GTF2F2: variants seen among roughly 807,000 people sequenced by gnomAD.
The protein encoded by GTF2F2 is ATP-dependent helicase GTF2F2.
GTF2F2 carries 23 observed loss-of-function variants against 42.2 expected under a neutral mutation model. That is an observed-to-expected ratio of 0.55 (90% CI 0.39 to 0.77). GTF2F2 has a LOEUF of 0.77. GTF2F2 is among the 30% of genes least tolerant of loss of function. The probability of loss-of-function intolerance (pLI) is 0.00; values close to 1 mark genes in which losing one functional copy is unlikely to be tolerated. For synonymous variants in GTF2F2, 105 were observed against 100.8 expected (o/e 1.04, Z -0.25); for missense variants, 261 against 287.2 (o/e 0.91, Z 0.66).
chr13:45,183,743 A>G (rs988812849), intron 4 of GTF2F2, among the ~76,000 whole-genome samples: 1 of 152,282 alleles, frequency 6.6e-6, no homozygotes, highest in African/African-American at 2.4e-5. Flanking sequence ...CAGACAGTGC[A>G]TGTCAATACT....
chr13:45,203,511 T>A (rs1378683837), intron 4 of GTF2F2, among the ~76,000 whole-genome samples: 1 of 152,188 alleles, frequency 6.6e-6, no homozygotes, highest in Non-Finnish European at 1.5e-5. Context: ...TCCAGTTGTC[T>A]CACCTGTACC....
At position 45,151,769 on chromosome 13, in the gene GTF2F2, A is replaced by G. The variant is rs756528949; in HGVS notation, c.242A>G (p.His81Arg). 4 of 1,589,674 alleles carry G rather than the reference A, an allele frequency of 2.5e-6. No homozygotes were observed. In the South Asian group the frequency reaches 4.5e-5, roughly 18 times the overall value. Residue 81 changes from histidine (H) to arginine (R), a missense_variant, in exon 4 of 8, where the codon CAT becomes CGT. Transcript: ENST00000340473. ...GCTTCAGTCAGTGCTCCTAGAGAAC[A>G]TCCATTTGTCTTGCAAAGTGTTGGA... ...KPASVSAPRE[H>R]PFVLQSVGGQ...
chr13:45,208,083 C>T (rs1252572212), intron 5 of GTF2F2, among the ~76,000 whole-genome samples: 2 of 150,734 alleles, frequency 1.3e-5, no homozygotes, highest in African/African-American at 2.4e-5. Context: ...GAGAGCATGC[C>T]ACTGCACTCC....
chr13:45,252,681 G>A (rs1422415438), intron 5 of GTF2F2, among the ~76,000 whole-genome samples, 190 bp from the exon 6 acceptor site: 1 of 152,060 alleles, frequency 6.6e-6, no homozygotes, highest in Non-Finnish European at 1.5e-5. Flanking sequence ...TGTATATTTA[G>A]CTTGTGTACT....
intron 4 of GTF2F2, among the ~76,000 whole-genome samples, chr13:45,187,229 A>C (rs1872464232): frequency 6.6e-6 from 1 of 152,108 alleles, no homozygotes; most frequent in African/African-American, 2.4e-5. Flanking sequence ...ATCTCTATGA[A>C]AGTATATATT....
intron 2 of GTF2F2, among the ~76,000 whole-genome samples, chr13:45,142,082 CT>C (rs1320130347): frequency 6.6e-6 from 1 of 152,154 alleles, no homozygotes. Context: ...GTCTTGAATT[CT>C]TTTGAAAGTA....
intron 5 of GTF2F2, among the ~76,000 whole-genome samples, chr13:45,236,488 CAT>C (rs1419791726): frequency 1.0e-4 from 12 of 120,504 alleles, no homozygotes; most frequent in East Asian, 2.2e-4. Flanking sequence ...CCCCGCCACA[CAT>C]ACACACACAC....
intron 5 of GTF2F2, among the ~76,000 whole-genome samples, chr13:45,219,836 T>C (rs1874038668): frequency 6.6e-6 from 1 of 152,260 alleles, no homozygotes; most frequent in South Asian, 2.1e-4. Context: ...AACCTTTTTC[T>C]TTTAATGTGT....
intron 4 of GTF2F2, among the ~76,000 whole-genome samples, chr13:45,187,517 C>A (rs1368668766): frequency 6.6e-6 from 1 of 152,108 alleles, no homozygotes; most frequent in African/African-American, 2.4e-5. Flanking sequence ...GAAATACAGT[C>A]CACCTCTTCA....
chr13:45,277,781 C>T (rs1566160069), intron 7 of GTF2F2, among the ~76,000 whole-genome samples: 1 of 152,032 alleles, frequency 6.6e-6, no homozygotes, highest in Non-Finnish European at 1.5e-5. Flanking sequence ...TCGATAATGC[C>T]CTTCTTGTGG....
chr13:45,219,080 A>G (rs544689706), intron 5 of GTF2F2, among the ~76,000 whole-genome samples: 63 of 152,220 alleles, frequency 4.1e-4, no homozygotes, highest in African/African-American at 1.4e-3. Context: ...ACTTTCAGCT[A>G]GAATGGTTCA....
chr13:45,151,836 G>A lies in GTF2F2; in HGVS notation c.304+5G>A. The A allele has an allele frequency of 3.6e-6, 5 of 1,391,722 alleles. No individual in the cohort carries two copies. The highest frequency in any genetic ancestry group is 4.8e-6 in the Non-Finnish European group (5 of 1,038,772). The allele number at this position is 1,391,722 out of a possible 1,614,324, so 86.2% of individuals were successfully genotyped here. On this transcript the variant is annotated splice_donor_5th_base_variant and intron_variant, in intron 4 of 7. Coordinates refer to ENST00000340473, the MANE Select transcript of GTF2F2 (RefSeq NM_004128.3). Reference sequence around the variant, plus strand: ...TATTTACTGAGAGCTCATCAGGTAAGTGGGAATGGAATTATTTAATGTGAT... The same window carrying A: ...TATTTACTGAGAGCTCATCAGGTAAATGGGAATGGAATTATTTAATGTGAT...
chr13:45,206,388 G>C (rs1001690619), intron 4 of GTF2F2: 1 of 152,144 alleles, frequency 6.6e-6, no homozygotes, highest in Non-Finnish European at 1.5e-5. Context: ...AAACAGTACT[G>C]TGTCTTAATC....
At chr13:45,212,598 C>T (rs973778448) in intron 5 of GTF2F2, among the ~76,000 whole-genome samples, 1 of 146,698 alleles carries the variant, frequency 6.8e-6, no homozygotes, top group Admixed American at 6.8e-5. Flanking sequence ...GTCTTGCTTG[C>T]TCTGTTTCCC....
intron 5 of GTF2F2, among the ~76,000 whole-genome samples, chr13:45,222,072 T>C (rs938782460): frequency 6.6e-6 from 1 of 152,188 alleles, no homozygotes; most frequent in Non-Finnish European, 1.5e-5. Flanking sequence ...CACCTAATTA[T>C]GTGCTATGAC....
At chr13:45,272,508 C>G (rs1478954335) in intron 7 of GTF2F2, among the ~76,000 whole-genome samples, 1 of 149,794 alleles carries the variant, frequency 6.7e-6, no homozygotes, top group African/African-American at 2.5e-5. Flanking sequence ...TTTGAGAGGC[C>G]AAGGTGAGAG....
intron 5 of GTF2F2, 125 bp downstream of exon 5, chr13:45,207,630 G>T: frequency 1.6e-6 from 1 of 608,330 alleles, no homozygotes; most frequent in Non-Finnish European, 2.9e-6. Context: ...TTCAAAAGCT[G>T]TTTGGTTTTA....
At chr13:45,176,823 C>T (rs182702987) in intron 4 of GTF2F2, among the ~76,000 whole-genome samples, 15 of 151,864 alleles carry the variant, frequency 9.9e-5, no homozygotes, top group African/African-American at 3.4e-4. Flanking sequence ...CGGTCTCGCT[C>T]CACCCAGGCT....
chr13:45,270,752 T>C (rs1481342953), intron 7 of GTF2F2, among the ~76,000 whole-genome samples: 1 of 152,252 alleles, frequency 6.6e-6, no homozygotes, highest in African/African-American at 2.4e-5. Context: ...TATTTCTCCC[T>C]GATACTCTGA....
Sources: gnomAD v4.1 joint callset for allele counts (sites outside exome capture counted in the v4.1 genomes callset) on GRCh38, gnomAD v4.1.1 for gene constraint, MANE v1.5 for transcripts, NCBI Gene and HGNC (gene_info 2026-07-23, HGNC 2026-07-21) for gene names.